HEMK2: variants seen among roughly 807,000 people sequenced by gnomAD.
The protein encoded by HEMK2 is HemK methyltransferase 2, ETF1 glutamine and histone H4 lysine, also known as methyltransferase HEMK2.
the HEMK2 span, among the ~76,000 whole-genome samples, chr21:28,583,297 C>T: frequency 3.1e-4 from 47 of 152,110 alleles, no homozygotes; most frequent in Admixed American, 1.8e-3. Context: ...CATAAAATAA[C>T]GGAGTTTCTT....
chr21:28,683,602 ATT>A, the HEMK2 span, among the ~76,000 whole-genome samples: 1 of 152,226 alleles, frequency 6.6e-6, no homozygotes, highest in African/African-American at 2.4e-5. Context: ...CCTAGTCAAC[ATT>A]GTGATGATGC....
At chr21:28,667,696 C>A in the HEMK2 span, among the ~76,000 whole-genome samples, 154 of 152,180 alleles carry the variant, frequency 1.0e-3, no homozygotes, top group African/African-American at 3.5e-3. Context: ...GGGTGAAATT[C>A]ATTTAAAAAC....
At chr21:28,883,009 A>G in the HEMK2 span, 2 of 1,605,910 alleles carry the variant, frequency 1.2e-6, no homozygotes, top group Middle Eastern at 1.8e-4. Flanking sequence ...AGGGCCTATC[A>G]TAGAGGCTAG....
chr21:28,654,392 T>G, the HEMK2 span, among the ~76,000 whole-genome samples: 1 of 152,162 alleles, frequency 6.6e-6, no homozygotes, highest in Admixed American at 6.6e-5. Flanking sequence ...TTTCTCTGCT[T>G]AGTTACTCAC....
At chr21:28,685,589 AGATTTC>A in the HEMK2 span, among the ~76,000 whole-genome samples, 1 of 152,242 alleles carries the variant, frequency 6.6e-6, no homozygotes, top group East Asian at 1.9e-4. Context: ...ATGCACACTT[AGATTTC>A]TAGTGGTCAC....
chr21:28,850,535 A>C, the HEMK2 span, among the ~76,000 whole-genome samples: 3 of 152,320 alleles, frequency 2.0e-5, no homozygotes, highest in African/African-American at 7.2e-5. Context: ...AAGAAATTCC[A>C]ACCAAGAATT....
At chr21:28,868,161 GTT>G in the HEMK2 span, among the ~76,000 whole-genome samples, 1 of 151,898 alleles carries the variant, frequency 6.6e-6, no homozygotes, top group African/African-American at 2.4e-5. Flanking sequence ...AATTACTGTT[GTT>G]TAATAATAAG....
At chr21:28,775,049 C>T in the HEMK2 span, among the ~76,000 whole-genome samples, 1 of 152,198 alleles carries the variant, frequency 6.6e-6, no homozygotes, top group Non-Finnish European at 1.5e-5. Context: ...GGAGGCCCTT[C>T]AGGCAAAACA....
chr21:28,650,167 C>T, the HEMK2 span, among the ~76,000 whole-genome samples: 2 of 152,096 alleles, frequency 1.3e-5, no homozygotes, highest in South Asian at 2.1e-4. Context: ...GAGTCCAAGG[C>T]GGGTGGATCA....
At chr21:28,706,229 C>T in the HEMK2 span, among the ~76,000 whole-genome samples, 1 of 152,172 alleles carries the variant, frequency 6.6e-6, no homozygotes, top group African/African-American at 2.4e-5. Flanking sequence ...CTGTTTTCAT[C>T]TAAAGATTTT....
the HEMK2 span, among the ~76,000 whole-genome samples, chr21:28,828,104 A>G: frequency 6.6e-6 from 1 of 152,208 alleles, no homozygotes; most frequent in African/African-American, 2.4e-5. Flanking sequence ...TCTTAGAAAC[A>G]TGTTTGCATG....
the HEMK2 span, among the ~76,000 whole-genome samples, chr21:28,722,633 G>A: frequency 6.6e-6 from 1 of 152,208 alleles, no homozygotes; most frequent in East Asian, 1.9e-4. Context: ...TGTAATCCCA[G>A]CACTCTGGGA....
the HEMK2 span, among the ~76,000 whole-genome samples, chr21:28,632,996 C>A: frequency 6.6e-6 from 1 of 152,208 alleles, no homozygotes; most frequent in Non-Finnish European, 1.5e-5. Flanking sequence ...TCCTCCCATT[C>A]CTATGGCTCC....
chr21:28,766,155 G>C, the HEMK2 span, among the ~76,000 whole-genome samples: 1 of 152,016 alleles, frequency 6.6e-6, no homozygotes, highest in Non-Finnish European at 1.5e-5. Context: ...GGCCTGTTGG[G>C]GGTTGGAGGA....
At chr21:28,647,351 C>T in the HEMK2 span, among the ~76,000 whole-genome samples, 2 of 119,366 alleles carry the variant, frequency 1.7e-5, no homozygotes, top group Admixed American at 9.3e-5. Flanking sequence ...AAAAAACATA[C>T]AAAAAAATTA....
chr21:28,613,089 T>A, the HEMK2 span, among the ~76,000 whole-genome samples: 1 of 150,474 alleles, frequency 6.6e-6, no homozygotes, highest in African/African-American at 2.5e-5. Context: ...GATAGATAGA[T>A]AGATAGAAAG....
chr21:28,774,986 TTC>T, the HEMK2 span, among the ~76,000 whole-genome samples: 1 of 152,166 alleles, frequency 6.6e-6, no homozygotes, highest in Non-Finnish European at 1.5e-5. Flanking sequence ...AACTAATACA[TTC>T]CAGAAAGAAA....
chr21:28,643,211 C>T, the HEMK2 span, among the ~76,000 whole-genome samples: 149 of 152,274 alleles, frequency 9.8e-4, no homozygotes, highest in African/African-American at 3.4e-3. Context: ...TGAATGTTTG[C>T]GTACCTTCAA....
the HEMK2 span, among the ~76,000 whole-genome samples, chr21:28,725,784 C>T: frequency 1.3e-5 from 2 of 152,040 alleles, no homozygotes; most frequent in African/African-American, 4.8e-5. Flanking sequence ...TCATCTATTC[C>T]CTAAAATAAT....
Sources: allele counts gnomAD v4.1 joint callset (sites outside exome capture counted in the v4.1 genomes callset), GRCh38; gene constraint gnomAD v4.1.1; transcripts MANE v1.5; gene names NCBI Gene and HGNC (gene_info 2026-07-23, HGNC 2026-07-21).